Variants in GNAQ observed in about 807,000 individuals in gnomAD.
GNAQ encodes G protein subunit alpha q.
A neutral mutation model predicts 43.9 loss-of-function variants in GNAQ; 8 were observed. The ratio of observed to expected loss-of-function variants is 0.18; its 90% CI spans 0.11 to 0.33. GNAQ has a LOEUF of 0.33. Ranked by LOEUF, GNAQ falls within the 10% of genes least tolerant of loss-of-function variation. The probability of loss-of-function intolerance (pLI) is 1.00; values close to 1 mark genes in which losing one functional copy is unlikely to be tolerated. For missense variants in GNAQ, 158 were observed against 450.8 expected, an observed-to-expected ratio of 0.35 and a Z score of 5.88; for synonymous variants, 155 against 170.7, an observed-to-expected ratio of 0.91 and a Z score of 0.71.
rs1324044326 is a variant in GNAQ at position 77,823,720 on chromosome 9, T to C, written c.322-7950A>G. 3.9e-5 allele frequency among the ~76,000 whole-genome samples: 6 copies of C among 151,982 alleles called. No individual in the cohort carries two copies. The South Asian group carries it at 8.3e-4, about 21-fold the overall frequency. On this transcript the variant is annotated intron_variant, in intron 2 of 6. Coordinates refer to ENST00000286548, the MANE Select transcript of GNAQ (RefSeq NM_002072.5). ...TGCCACACACTTTTAAACGATCAGATCTCATGAGAACTCACTCACTATCAT... is the reference window on the plus strand; with the variant it reads ...TGCCACACACTTTTAAACGATCAGACCTCATGAGAACTCACTCACTATCAT...
intron 2 of GNAQ, among the ~76,000 whole-genome samples, chr9:77,890,854 T>C (rs1472693008): frequency 6.6e-6 from 1 of 152,156 alleles, no homozygotes; most frequent in African/African-American, 2.4e-5. Context: ...TCAAAAGTCA[T>C]GGTATAGGTG....
At chr9:77,821,805 CAG>C (rs57627007) in intron 2 of GNAQ, among the ~76,000 whole-genome samples, 1 of 150,074 alleles carries the variant, frequency 6.7e-6, no homozygotes, top group African/African-American at 2.5e-5. Flanking sequence ...AGTTTATCTT[CAG>C]AGAGTTTATA....
intron 1 of GNAQ, among the ~76,000 whole-genome samples, chr9:77,970,510 C>T (rs1056914432): frequency 1.9e-4 from 29 of 152,138 alleles, no homozygotes; most frequent in African/African-American, 6.5e-4. Context: ...TCCCATTCTG[C>T]CTATTCATCC....
At chr9:77,745,688 A>G (rs1825718137) in intron 5 of GNAQ, among the ~76,000 whole-genome samples, 1 of 151,880 alleles carries the variant, frequency 6.6e-6, no homozygotes, top group South Asian at 2.1e-4. Flanking sequence ...CTCAGGAAGT[A>G]GAAAAAGCAA....
chr9:77,815,880 T>G (rs1827005350), intron 2 of GNAQ, 110 bp from the exon 3 acceptor site: 2 of 662,310 alleles, frequency 3.0e-6, no homozygotes, highest in Admixed American at 3.0e-5. Flanking sequence ...CATATACTGG[T>G]CTTTACACTG....
At chr9:77,721,761 T>C (rs1177804266) in intron 6 of GNAQ, among the ~76,000 whole-genome samples, 3 of 152,178 alleles carry the variant, frequency 2.0e-5, no homozygotes, top group African/African-American at 7.2e-5. Flanking sequence ...AGGCTAAGTT[T>C]ATTTCTTAGC....
intron 6 of GNAQ, among the ~76,000 whole-genome samples, chr9:77,723,244 A>G (rs139519282): frequency 6.6e-6 from 1 of 152,356 alleles, no homozygotes; most frequent in African/African-American, 2.4e-5. Context: ...AAAATTAACA[A>G]GGGTTTGGGA....
chr9:78,031,306 C>T lies in GNAQ; in HGVS notation c.-71G>A, dbSNP rs1467518616. 4.1e-6 allele frequency: 5 copies of T among 1,231,244 alleles called. No homozygotes were observed. The highest frequency in any genetic ancestry group is 5.2e-6 in the Non-Finnish European group (5 of 955,128). The allele number at this position is 1,231,244 out of a possible 1,614,324, so 76.3% of individuals were successfully genotyped here. On this transcript the variant is annotated 5_prime_UTR_variant, in exon 1 of 7. Coordinates refer to ENST00000286548, the MANE Select transcript of GNAQ (RefSeq NM_002072.5). ...ACAGCGCGCACACACACCCTCCCGC[C>T]CTCGCTCCCCCGAGGCAGCGGTGGC...
chr9:77,736,490 T>C (rs1256182658), intron 5 of GNAQ, among the ~76,000 whole-genome samples: 1 of 152,226 alleles, frequency 6.6e-6, no homozygotes, highest in African/African-American at 2.4e-5. Context: ...AGATCAAATT[T>C]GGCGAAGGTT....
At chr9:77,891,437 T>C (rs1828404220) in intron 2 of GNAQ, among the ~76,000 whole-genome samples, 2 of 152,360 alleles carry the variant, frequency 1.3e-5, no homozygotes, top group South Asian at 4.1e-4. Context: ...TAATTTTACA[T>C]CTTAAAAATA....
chr9:77,961,182 G>T (rs1285365502), intron 1 of GNAQ, among the ~76,000 whole-genome samples: 2 of 152,162 alleles, frequency 1.3e-5, no homozygotes, highest in Non-Finnish European at 2.9e-5. Context: ...AAAAGCCCAG[G>T]AAGTCAAATA....
rs551471698 is a variant in GNAQ, at chr9:77,919,730, T to C, written c.321+2431A>G. On this transcript the variant is annotated intron_variant, in intron 2 of 6. Transcript: ENST00000286548. ...GGAGGTCATCACACTAAAGTCATGATATGTAGGAGGATTTATGAGGATAAT... is the reference window on the plus strand; with the variant it reads ...GGAGGTCATCACACTAAAGTCATGACATGTAGGAGGATTTATGAGGATAAT... Among the ~76,000 whole-genome samples the C allele has an allele frequency of 5.3e-5, 8 of 152,270 alleles. No homozygotes were observed. In the South Asian group the frequency reaches 8.3e-4, roughly 16 times the overall value.
intron 1 of GNAQ, among the ~76,000 whole-genome samples, chr9:77,994,836 T>C (rs1823549078): frequency 2.0e-5 from 3 of 152,216 alleles, no homozygotes; most frequent in African/African-American, 2.4e-5. Context: ...GCAGCTTTTT[T>C]GTTCTAGGCC....
intron 1 of GNAQ, among the ~76,000 whole-genome samples, chr9:77,964,315 G>C (rs7860911): frequency 6.6e-6 from 1 of 151,764 alleles, no homozygotes; most frequent in Non-Finnish European, 1.5e-5. Context: ...ACAAGTCTAC[G>C]ATTATACTCA....
intron 5 of GNAQ, among the ~76,000 whole-genome samples, chr9:77,753,964 A>AG (rs1279201182): frequency 2.6e-5 from 4 of 152,192 alleles, no homozygotes; most frequent in African/African-American, 9.7e-5. Flanking sequence ...GATAAAGTTG[A>AG]GGGAAAAAAC....
intron 1 of GNAQ, among the ~76,000 whole-genome samples, chr9:77,933,929 T>C (rs1025741512): frequency 1.3e-5 from 2 of 152,310 alleles, no homozygotes; most frequent in Non-Finnish European, 2.9e-5. Flanking sequence ...GACGCTCTTT[T>C]GAAAAGCACT....
rs563914203 is a variant in GNAQ at position 77,924,227 on chromosome 9, G to A, written c.137-1882C>T. ...TTTATAATCCCAACCATGAATACTG[G>A]ATAAAAGCATAAAGTGGTTGAAAAC... On this transcript the variant is annotated intron_variant, in intron 1 of 6. Transcript: ENST00000286548. Among the ~76,000 whole-genome samples the A allele has an allele frequency of 2.6e-5, 4 of 152,224 alleles. No homozygotes were observed. The East Asian group carries it at 5.8e-4, about 22-fold the overall frequency.
At chr9:77,873,036 C>A (rs767471948) in intron 2 of GNAQ, among the ~76,000 whole-genome samples, 1 of 152,160 alleles carries the variant, frequency 6.6e-6, no homozygotes, top group African/African-American at 2.4e-5. Flanking sequence ...GAATTTGTTT[C>A]GCTGGAAAGA....
intron 2 of GNAQ, among the ~76,000 whole-genome samples, chr9:77,875,188 G>A (rs935499195): frequency 1.3e-5 from 2 of 152,022 alleles, no homozygotes; most frequent in East Asian, 1.9e-4. Context: ...AAAGATGGTC[G>A]GCTGGTTACC....
Sources: allele counts gnomAD v4.1 joint callset (sites outside exome capture counted in the v4.1 genomes callset), GRCh38; gene constraint gnomAD v4.1.1; transcripts MANE v1.5; gene names NCBI Gene and HGNC (gene_info 2026-07-23, HGNC 2026-07-21).